Variants in GCNT2 observed in about 807,000 individuals in gnomAD.
GCNT2 encodes glucosaminyl (N-acetyl) transferase 2 (I blood group).
GCNT2 carries 34 observed loss-of-function variants against 34.2 expected under a neutral mutation model. That is an observed-to-expected ratio of 1.00 (90% CI 0.76 to 1.32). The LOEUF (loss-of-function observed/expected upper bound fraction) is 1.32. GCNT2 is among the 40% of genes most tolerant of loss of function. GCNT2 has a pLI of 0.00. For synonymous variants in GCNT2, 212 were observed against 188.0 expected (o/e 1.13, Z -1.04); for missense variants, 584 against 489.4 (o/e 1.19, Z -1.82).
intron 3 of GCNT2, among the ~76,000 whole-genome samples, chr6:10,609,730 C>T (rs1398095821): frequency 6.6e-6 from 1 of 152,166 alleles, no homozygotes; most frequent in Admixed American, 6.6e-5. Flanking sequence ...AAAGAAATGA[C>T]AGTTCAGAAT....
intron 3 of GCNT2, among the ~76,000 whole-genome samples, chr6:10,585,565 A>G (rs1764306309): frequency 6.6e-6 from 1 of 152,198 alleles, no homozygotes; most frequent in Non-Finnish European, 1.5e-5. Flanking sequence ...GGGAGATCAG[A>G]TCAGAATAGA....
intron 3 of GCNT2, among the ~76,000 whole-genome samples, chr6:10,559,467 A>C (rs1173972703): frequency 6.6e-6 from 1 of 152,192 alleles, no homozygotes; most frequent in Non-Finnish European, 1.5e-5. Flanking sequence ...TGGGACCTCA[A>C]ATCTCTCCAG....
At chr6:10,567,697 T>A (rs1353660263) in intron 3 of GCNT2, among the ~76,000 whole-genome samples, 1 of 152,206 alleles carries the variant, frequency 6.6e-6, no homozygotes, top group Non-Finnish European at 1.5e-5. Context: ...TCCAGTCCTC[T>A]GTCTCCTGTC....
Position 10,626,651 on chromosome 6 carries a change from G to A in GCNT2, c.*44G>A. ...ATGACTGAAGGGAAACTGCAGCTGG[G>A]AAGAGGAGCCTGTTTTTGTGAGAGA... On this transcript the variant is annotated 3_prime_UTR_variant, in exon 5 of 5. Transcript: ENST00000495262. 7.0e-7 allele frequency: 1 copy of A among 1,436,386 alleles called. No homozygotes were observed. The highest frequency in any genetic ancestry group is 9.8e-7 in the Non-Finnish European group (1 of 1,018,644). 89.0% of individuals were successfully genotyped at this position (1,436,386 alleles called of 1,614,324 possible). A position where few individuals can be genotyped will look rare whatever the true frequency, so the allele number is the denominator to read the frequency against.
intron 3 of GCNT2, among the ~76,000 whole-genome samples, chr6:10,604,177 G>T (rs966276964): frequency 6.6e-6 from 1 of 152,162 alleles, no homozygotes; most frequent in Non-Finnish European, 1.5e-5. Flanking sequence ...GATTACAGAC[G>T]TGAGCCACCG....
intron 3 of GCNT2, among the ~76,000 whole-genome samples, chr6:10,540,305 T>A (rs902222754): frequency 6.6e-6 from 1 of 152,202 alleles, no homozygotes; most frequent in Non-Finnish European, 1.5e-5. Flanking sequence ...TTTAGACTTG[T>A]CTGAAGCCAA....
rs758916220 is a variant in GCNT2 at position 10,538,520 on chromosome 6, T to A, written c.925+8684T>A. Reference sequence around the variant, plus strand: ...TCCTGAATTTATACCCATGACACCTTAAATATAAACCCTGATAGATCTCAT... The same window carrying A: ...TCCTGAATTTATACCCATGACACCTAAAATATAAACCCTGATAGATCTCAT... On this transcript the variant is annotated intron_variant, in intron 3 of 4. Coordinates refer to ENST00000495262, the MANE Select transcript of GCNT2 (RefSeq NM_145649.5). 8.1e-5 allele frequency among the ~76,000 whole-genome samples: 12 copies of A among 148,578 alleles called. 1 individual carries two copies. The highest frequency in any genetic ancestry group is 1.8e-4 in the Non-Finnish European group (12 of 67,576).
chr6:10,571,378 G>A (rs544871244), intron 3 of GCNT2, among the ~76,000 whole-genome samples: 9 of 152,076 alleles, frequency 5.9e-5, no homozygotes, highest in South Asian at 2.1e-4. Context: ...ACAGAGTCCC[G>A]CTCTTGTTAC....
chr6:10,618,566 T>C (rs973947766), intron 3 of GCNT2, among the ~76,000 whole-genome samples: 1 of 152,228 alleles, frequency 6.6e-6, no homozygotes, highest in Non-Finnish European at 1.5e-5. Flanking sequence ...CTTCATACTT[T>C]TATGATGTAG....
At chr6:10,566,222 A>G (rs1763278422) in intron 3 of GCNT2, among the ~76,000 whole-genome samples, 1 of 151,714 alleles carries the variant, frequency 6.6e-6, no homozygotes, top group Non-Finnish European at 1.5e-5. Flanking sequence ...CACACTCTGT[A>G]AAATTCTTTT....
intron 3 of GCNT2, among the ~76,000 whole-genome samples, chr6:10,608,206 T>A (rs192134557): frequency 2.0e-5 from 3 of 151,794 alleles, no homozygotes; most frequent in Admixed American, 6.6e-5. Flanking sequence ...GTCTCCTGAG[T>A]AGCTGGGATT....
chr6:10,621,151 T>C (rs756990761), intron 3 of GCNT2, among the ~76,000 whole-genome samples, 200 bp from the exon 4 acceptor site: 2 of 152,218 alleles, frequency 1.3e-5, no homozygotes, highest in African/African-American at 2.4e-5. Context: ...AATTAGATGA[T>C]GAGTCAACAA....
At chr6:10,600,758 A>ATTTT (rs1257668515) in intron 3 of GCNT2, among the ~76,000 whole-genome samples, 1 of 151,406 alleles carries the variant, frequency 6.6e-6, no homozygotes, top group Non-Finnish European at 1.5e-5. Flanking sequence ...AGGCAGTTTT[A>ATTTT]TTTTTATTTA....
At chr6:10,584,548 C>T (rs779164474) in intron 3 of GCNT2, among the ~76,000 whole-genome samples, 11 of 152,172 alleles carry the variant, frequency 7.2e-5, no homozygotes, top group Non-Finnish European at 1.2e-4. Context: ...TCCCTTCCCA[C>T]GAGGCCGTAT....
At chr6:10,589,559 T>A (rs1034116362) in intron 3 of GCNT2, among the ~76,000 whole-genome samples, 2 of 152,122 alleles carry the variant, frequency 1.3e-5, no homozygotes, top group Non-Finnish European at 2.9e-5. Flanking sequence ...GGGGTCCATC[T>A]GGAGCAGGCT....
chr6:10,591,771 AC>A (rs1764655137), intron 3 of GCNT2, among the ~76,000 whole-genome samples: 1 of 152,220 alleles, frequency 6.6e-6, no homozygotes, highest in Non-Finnish European at 1.5e-5. Flanking sequence ...TAGGAAAAAA[AC>A]CAAGACTATA....
Position 10,548,851 on chromosome 6 carries a change from C to T in GCNT2, c.925+19015C>T, listed in dbSNP as rs553310067. Reference sequence around the variant, plus strand: ...TCAGTTCACTTGCAACCTCCACCTCCTGGGTTCAAGCAGTTCTCTGCCTCA... The same window carrying T: ...TCAGTTCACTTGCAACCTCCACCTCTTGGGTTCAAGCAGTTCTCTGCCTCA... On this transcript the variant is annotated intron_variant, in intron 3 of 4. Coordinates refer to ENST00000495262, the MANE Select transcript of GCNT2 (RefSeq NM_145649.5). Among the ~76,000 whole-genome samples the T allele has an allele frequency of 6.6e-5, 10 of 152,272 alleles. No individual in the cohort carries two copies. The South Asian group carries it at 1.9e-3, about 28-fold the overall frequency.
chr6:10,615,085 G>C (rs189057170), intron 3 of GCNT2, among the ~76,000 whole-genome samples: 1 of 152,304 alleles, frequency 6.6e-6, no homozygotes, highest in East Asian at 1.9e-4. Flanking sequence ...AGAAGATTTT[G>C]AGTGAGAATA....
At chr6:10,574,874 CTTCT>C (rs1219836153) in intron 3 of GCNT2, 4 of 698,650 alleles carry the variant, frequency 5.7e-6, no homozygotes, top group East Asian at 2.7e-5. Flanking sequence ...TTCTCTTTGT[CTTCT>C]TTCTTTTTCT....
Sources: gnomAD v4.1 joint callset for allele counts (sites outside exome capture counted in the v4.1 genomes callset) on GRCh38, gnomAD v4.1.1 for gene constraint, MANE v1.5 for transcripts, NCBI Gene and HGNC (gene_info 2026-07-23, HGNC 2026-07-21) for gene names.